Variants in CDH11 observed in about 807,000 individuals in gnomAD.
CDH11 encodes the protein cadherin-11.
Under a neutral mutation model 67.8 loss-of-function variants are expected in CDH11, and 11 were observed. The ratio of observed to expected loss-of-function variants is 0.16; its 90% CI spans 0.10 to 0.27. The LOEUF is 0.27. Among genes scored for constraint, CDH11 ranks in the 10% least tolerant of loss-of-function variants. The pLI is 1.00. For synonymous variants in CDH11, 419 were observed against 400.0 expected (o/e 1.05, Z -0.57); for missense variants, 847 against 1,031.2 (o/e 0.82, Z 2.45).
intron 2 of CDH11, among the ~76,000 whole-genome samples, chr16:65,033,028 C>T (rs891907306): frequency 6.6e-6 from 1 of 152,172 alleles, no homozygotes. Flanking sequence ...CTTTTTGCCC[C>T]CTGCTGTGAA....
intron 1 of CDH11, among the ~76,000 whole-genome samples, chr16:65,088,685 G>A (rs2074742578): frequency 6.6e-6 from 1 of 152,056 alleles, no homozygotes; most frequent in Admixed American, 6.6e-5. Flanking sequence ...CTATATTAAG[G>A]TAAAATTTAC....
At chr16:64,979,736 G>T (rs970277521) in intron 8 of CDH11, among the ~76,000 whole-genome samples, 6 of 152,116 alleles carry the variant, frequency 3.9e-5, no homozygotes, top group African/African-American at 7.2e-5. Context: ...GCCCAGGAAA[G>T]AGGAAAACAT....
intron 1 of CDH11, among the ~76,000 whole-genome samples, chr16:65,097,015 T>C (rs1472463556): frequency 6.6e-6 from 1 of 152,206 alleles, no homozygotes; most frequent in East Asian, 1.9e-4. Flanking sequence ...ATTATTATGT[T>C]TTGATAAAGG....
chr16:64,947,544 C>A lies in CDH11; in HGVS notation c.*59G>T. On this transcript the variant is annotated 3_prime_UTR_variant, in exon 13 of 13. Coordinates refer to ENST00000268603, the MANE Select transcript of CDH11 (RefSeq NM_001797.4). ...TTTAAAAAAATACCTGTTTACACAT[C>A]TTCTAGATTCTTGAGAACGCCAGAC... 1 of 1,540,244 alleles carries A rather than the reference C, an allele frequency of 6.5e-7. No homozygotes were observed. The highest frequency in any genetic ancestry group is 2.1e-5 in the Admixed American group (1 of 48,026).
intron 2 of CDH11, among the ~76,000 whole-genome samples, chr16:65,023,458 T>A (rs1056086811): frequency 1.3e-5 from 2 of 152,184 alleles, no homozygotes; most frequent in South Asian, 4.1e-4. Context: ...GGAAGCCACC[T>A]GGGTTCTTGG....
chr16:64,951,675 C>T lies in CDH11; in HGVS notation c.1643-657G>A, dbSNP rs577137932. Among the ~76,000 whole-genome samples the T allele has an allele frequency of 4.6e-5, 7 of 152,090 alleles. No homozygotes were observed. In the South Asian group the frequency reaches 1.5e-3, roughly 32 times the overall value. On this transcript the variant is annotated intron_variant, in intron 11 of 12. Transcript: ENST00000268603. ...AAAGTTTTTTCCTATGTGCAGACTT[C>T]CTACTTTATGACAAGGGTTTAGCCA... is the stretch of plus-strand genomic sequence containing the variant.
At chr16:64,959,073 C>T (rs1308666672) in intron 11 of CDH11, among the ~76,000 whole-genome samples, 1 of 152,100 alleles carries the variant, frequency 6.6e-6, no homozygotes, top group African/African-American at 2.4e-5. Context: ...AATAATTTAC[C>T]AAGACTCTGA....
At position 65,004,942 on chromosome 16, in the gene CDH11, G is replaced by A. The variant is rs2073015337; in HGVS notation, c.-73C>T. 15 of 1,442,932 alleles carry A rather than the reference G, an allele frequency of 1.0e-5. No homozygotes were observed. The highest frequency in any genetic ancestry group is 2.6e-5 in the East Asian group (1 of 38,412). 89.4% of individuals were successfully genotyped at this position (1,442,932 alleles called of 1,614,324 possible). On this transcript the variant is annotated 5_prime_UTR_variant, in exon 3 of 13. Transcript: ENST00000268603. ...ACCAACTGTACGGTGGTCTTGCTGAGGGTGGCCTCCCGGACGCGTCACGCA... is the reference window on the plus strand; with the variant it reads ...ACCAACTGTACGGTGGTCTTGCTGAAGGTGGCCTCCCGGACGCGTCACGCA...
At chr16:65,063,860 A>G (rs1002737348) in intron 1 of CDH11, among the ~76,000 whole-genome samples, 1 of 152,206 alleles carries the variant, frequency 6.6e-6, no homozygotes, top group African/African-American at 2.4e-5. Context: ...AAATGACAGA[A>G]CTTTGTAATT....
intron 2 of CDH11, among the ~76,000 whole-genome samples, chr16:65,015,015 T>TTTATTA (rs71143548): frequency 0.079 from 10,690 of 135,724 alleles, 741 homozygotes; most frequent in African/African-American, 0.18. Context: ...GCCTGGCTAA[T>TTTATTA]TTATTATTAT....
chr16:65,051,035 C>T (rs530640786), intron 2 of CDH11, among the ~76,000 whole-genome samples: 3 of 152,238 alleles, frequency 2.0e-5, no homozygotes, highest in South Asian at 2.1e-4. Flanking sequence ...AGGAGGGATG[C>T]ACTTCCTCTG....
In CDH11 at chr16:64,950,821, C is replaced by T. The variant is rs1597004371; in HGVS notation, c.1840G>A (p.Gly614Ser). ...GCGATCAGGGCGCCTGTGCTCAGGC[C>T]GGCGTTCAGAATGTAGGCCTCTGCG... The part of the protein sequence containing the change: ...CNAEAYILNA[G>S]LSTGALIAIL... Residue 614 changes from glycine (G) to serine (S), a missense_variant, in exon 12 of 13, where the codon GGC (glycine) becomes AGC (serine). Transcript: ENST00000268603. 1 of 1,614,158 alleles carries T rather than the reference C, an allele frequency of 6.2e-7. No homozygotes were observed. Among genetic ancestry groups the T allele is most frequent in the Non-Finnish European group, 8.5e-7 (1 of 1,180,034 alleles).
intron 12 of CDH11, chr16:64,948,532 A>G (rs756501410): frequency 1.7e-6 from 2 of 1,204,612 alleles, no homozygotes; most frequent in Non-Finnish European, 2.5e-6. Context: ...CTACCATCTT[A>G]TAGGGGGTGA....
intron 2 of CDH11, chr16:65,007,118 A>G (rs191931014): frequency 9.8e-5 from 15 of 152,314 alleles, no homozygotes; most frequent in African/African-American, 3.4e-4. Flanking sequence ...CAACCTAGAA[A>G]ATAAAAGAAT....
intron 2 of CDH11, among the ~76,000 whole-genome samples, chr16:65,018,666 G>C (rs960501657): frequency 6.6e-6 from 1 of 152,178 alleles, no homozygotes; most frequent in Admixed American, 6.5e-5. Flanking sequence ...AAGTCATAAA[G>C]AGATTACTTC....
intron 8 of CDH11, among the ~76,000 whole-genome samples, chr16:64,979,053 T>A (rs905115191): frequency 6.6e-6 from 1 of 152,124 alleles, no homozygotes; most frequent in South Asian, 2.1e-4. Context: ...TAAAGAGCTC[T>A]TACAACAACA....
At chr16:65,111,674 A>AACACACACACACACACACACAC (rs71143552) in intron 1 of CDH11, among the ~76,000 whole-genome samples, 1 of 140,650 alleles carries the variant, frequency 7.1e-6, no homozygotes, top group Non-Finnish European at 1.5e-5. Flanking sequence ...GAAAGCTAGA[A>AACACACACACACACACACACAC]ACACACACAC....
At chr16:64,957,634 C>T (rs372177443) in intron 11 of CDH11, among the ~76,000 whole-genome samples, 1 of 91,728 alleles carries the variant, frequency 1.1e-5, no homozygotes, top group Non-Finnish European at 2.1e-5. Context: ...ACACACACAC[C>T]CATCCATATA....
chr16:65,012,382 C>G lies in CDH11; in HGVS notation c.-172-7341G>C, dbSNP rs1318775891. Among the ~76,000 whole-genome samples, 3 of 152,262 alleles carry G rather than the reference C, an allele frequency of 2.0e-5. No individual in the cohort carries two copies. The East Asian group carries it at 5.8e-4, about 29-fold the overall frequency. ...GTTCAAAACGAGGAGGTGGGTGAATCAGATTTCTTTGGGAACTTCAATGAA... is the reference window on the plus strand; with the variant it reads ...GTTCAAAACGAGGAGGTGGGTGAATGAGATTTCTTTGGGAACTTCAATGAA... On this transcript the variant is annotated intron_variant, in intron 2 of 12. Coordinates refer to ENST00000268603, the MANE Select transcript of CDH11 (RefSeq NM_001797.4).
Sources: gnomAD v4.1 joint callset for allele counts (sites outside exome capture counted in the v4.1 genomes callset) on GRCh38, gnomAD v4.1.1 for gene constraint, MANE v1.5 for transcripts, NCBI Gene and HGNC (gene_info 2026-07-23, HGNC 2026-07-21) for gene names.